Variants in OAS2 observed in about 807,000 individuals in gnomAD.
OAS2 encodes the protein 2'-5'-oligoadenylate synthetase 2, also known as 2'-5'-oligoadenylate synthase 2.
In OAS2, 67 loss-of-function variants were observed where a neutral mutation model predicts 71.3. The observed-to-expected ratio is 0.94, with a 90% CI of 0.77 to 1.15. The LOEUF (loss-of-function observed/expected upper bound fraction) is 1.15. OAS2 is among the 50% of genes most tolerant of loss of function. OAS2 has a pLI of 0.00. For synonymous variants in OAS2, 327 were observed against 321.8 expected, an observed-to-expected ratio of 1.02 and a Z score of -0.17; for missense variants, 789 against 822.5, an observed-to-expected ratio of 0.96 and a Z score of 0.50.
intron 2 of OAS2, chr12:112,988,560 A>G: frequency 1.1e-6 from 1 of 946,428 alleles, no homozygotes; most frequent in Non-Finnish European, 1.3e-6. Flanking sequence ...TTCACCATGT[A>G]CAGAGAAATT....
At chr12:113,002,231 A>T (rs1411124827) in intron 5 of OAS2, among the ~76,000 whole-genome samples, 1 of 152,184 alleles carries the variant, frequency 6.6e-6, no homozygotes, top group East Asian at 1.9e-4. Flanking sequence ...TAAAAATTAA[A>T]ATTAAGAGGA....
At chr12:112,992,691 A>T (rs570103786) in intron 2 of OAS2, among the ~76,000 whole-genome samples, 3 of 152,276 alleles carry the variant, frequency 2.0e-5, no homozygotes, top group African/African-American at 7.2e-5. Flanking sequence ...GGAAACATGT[A>T]CCAGTTTGGG....
At position 112,978,711 on chromosome 12, in the gene OAS2, G is replaced by A. The variant is rs774565552; in HGVS notation, c.103G>A (p.Asp35Asn). Residue 35 changes from aspartate (D) to asparagine (N), a missense_variant, in exon 1 of 10, where the codon GAC (aspartate) becomes AAC (asparagine). Asp to Asn is a conservative substitution (Grantham distance 23). Coordinates refer to ENST00000392583, the MANE Select transcript of OAS2 (RefSeq NM_002535.3). This position sits in a 1 kb window ranked among gnomAD's most constrained non-coding sequence, Gnocchi z 4.2. ...KPYEECQTLIDEMVNTICDVL... is the reference protein window; with the variant it reads ...KPYEECQTLINEMVNTICDVL... ...CTACGAAGAATGTCAGACACTGATCGACGAGATGGTGAACACCATCTGTGA... is the reference window on the plus strand; with the variant it reads ...CTACGAAGAATGTCAGACACTGATCAACGAGATGGTGAACACCATCTGTGA... 3 of 1,614,170 alleles carry A rather than the reference G, an allele frequency of 1.9e-6. No individual in the cohort carries two copies. The highest frequency in any genetic ancestry group is 2.5e-6 in the Non-Finnish European group (3 of 1,180,022).
intron 2 of OAS2, among the ~76,000 whole-genome samples, chr12:112,993,206 G>A (rs1173752719): frequency 1.3e-5 from 2 of 152,138 alleles, no homozygotes; most frequent in Admixed American, 6.5e-5. Flanking sequence ...GGTCCAGGCT[G>A]GCTGTCTCCA....
intron 9 of OAS2, 53 bp downstream of exon 9, chr12:113,007,996 T>A: frequency 7.7e-7 from 1 of 1,303,136 alleles, no homozygotes; most frequent in African/African-American, 1.5e-5. Context: ...TTGAACACTG[T>A]CTCAGCAACC....
chr12:113,009,836 C>T lies in OAS2; in HGVS notation c.*581C>T. 1 of 986,672 alleles carries T rather than the reference C, an allele frequency of 1.0e-6. No individual in the cohort carries two copies. 61.1% of individuals were successfully genotyped at this position (986,672 alleles called of 1,614,324 possible). A position where few individuals can be genotyped will look rare whatever the true frequency, so the allele number is the denominator to read the frequency against. ...GGTTGCACTGGCCACCCAAGGATGTCTGCCACACCTCTCCAAAGCCCTCCC... is the reference window on the plus strand; with the variant it reads ...GGTTGCACTGGCCACCCAAGGATGTTTGCCACACCTCTCCAAAGCCCTCCC... On this transcript the variant is annotated 3_prime_UTR_variant, in exon 10 of 10. Coordinates refer to ENST00000392583, the MANE Select transcript of OAS2 (RefSeq NM_002535.3).
Position 112,987,294 on chromosome 12 carries a change from C to T in OAS2, c.434C>T (p.Ala145Val). The change falls in exon 2 of 10, where the codon GCC becomes GTC. Residue 145 changes from alanine to valine, a missense_variant. Transcript: ENST00000392583. ...NQRISFEVLA[A>V]FNALSLNDNP... ...AGAATCTCTTTCGAGGTGCTGGCCG[C>T]CTTCAACGCTCTGAGTAAGCATTGC... The T allele has an allele frequency of 6.2e-7, 1 of 1,614,182 alleles. No homozygotes were observed. Among genetic ancestry groups the T allele is most frequent in the Middle Eastern group, 1.6e-4 (1 of 6,062 alleles).
chr12:113,000,856 T>C (rs771741223), intron 5 of OAS2, among the ~76,000 whole-genome samples: 13 of 152,256 alleles, frequency 8.5e-5, no homozygotes, highest in Non-Finnish European at 1.5e-4. Context: ...TCAGCAACTA[T>C]AAGGCCAACT....
chr12:112,984,324 C>A lies in OAS2; in HGVS notation c.178-2714C>A, dbSNP rs182536219. 1.2e-3 allele frequency among the ~76,000 whole-genome samples: 187 copies of A among 152,114 alleles called. 1 individual carries two copies. The highest frequency in any genetic ancestry group is 4.6e-3 in the Admixed American group (71 of 15,274). Reference sequence around the variant, plus strand: ...TCTTGATCATTAATTATAAAATGACCTTCTTTGTCTCTTTTTATGTTTTTG... The same window carrying A: ...TCTTGATCATTAATTATAAAATGACATTCTTTGTCTCTTTTTATGTTTTTG... On this transcript the variant is annotated intron_variant, in intron 1 of 9. Transcript: ENST00000392583.
Position 113,003,039 on chromosome 12 carries a change from C to T in OAS2, c.1116C>T (p.Ile372=). 2 of 1,614,200 alleles carry T rather than the reference C, an allele frequency of 1.2e-6. No individual in the cohort carries two copies. The highest frequency in any genetic ancestry group is 1.7e-6 in the Non-Finnish European group (2 of 1,180,006). ...AGCAGATTGACAGTGCTGTTAACAT[C>T]ATCCGTACATTCCTTAAAGAAAACT... ...FLEQIDSAVN[I]IRTFLKENCF... is the part of the protein sequence containing the mutation. The change falls in exon 6 of 10, where the codon ATC becomes ATT. Residue 372 remains isoleucine, a synonymous_variant. Transcript: ENST00000392583.
rs778650316 is a variant in OAS2 at position 112,978,738 on chromosome 12, G to T, written c.130G>T (p.Val44Phe). The T allele has an allele frequency of 3.7e-6, 6 of 1,614,106 alleles. No homozygotes were observed. The South Asian group carries it at 6.6e-5, about 18-fold the overall frequency. The change falls in exon 1 of 10, where the codon GTC becomes TTC. Residue 44 changes from valine (V) to phenylalanine (F), a missense_variant. Physicochemically the swap from Val to Phe is conservative, Grantham distance 50 (BLOSUM62 -1). Transcript: ENST00000392583. The surrounding 1 kb of genome is among the most constrained non-coding windows in gnomAD (Gnocchi z 4.2). ...CGAGATGGTGAACACCATCTGTGACGTCCTGCAGGAACCCGAACAGTTCCC... is the reference window on the plus strand; with the variant it reads ...CGAGATGGTGAACACCATCTGTGACTTCCTGCAGGAACCCGAACAGTTCCC... ...IDEMVNTICD[V>F]LQEPEQFPLV...
chr12:112,996,434 T>C (rs1040523892), intron 3 of OAS2, among the ~76,000 whole-genome samples: 6 of 152,080 alleles, frequency 3.9e-5, no homozygotes, highest in African/African-American at 1.4e-4. Flanking sequence ...CCATAGCAAA[T>C]CTTGCCGAAT....
Position 113,010,957 on chromosome 12 carries a change from C to T in OAS2, c.*1702C>T, listed in dbSNP as rs2044375357. 6.5e-6 allele frequency: 1 copy of T among 152,816 alleles called. No individual in the cohort carries two copies. Among genetic ancestry groups the T allele is most frequent in the African/African-American group, 2.4e-5 (1 of 41,454 alleles). 9.5% of individuals were successfully genotyped at this position (152,816 alleles called of 1,614,324 possible). On this transcript the variant is annotated 3_prime_UTR_variant, in exon 10 of 10. Transcript: ENST00000392583. ...CCTCTATGCCAGCAGCCAGCCAACC[C>T]TTTCATTAGAACTTCAAGCTCTCCA... is the stretch of plus-strand genomic sequence containing the variant.
intron 9 of OAS2, 26 bp from the exon 10 acceptor site, chr12:113,009,061 C>G: frequency 6.2e-7 from 1 of 1,605,648 alleles, no homozygotes; most frequent in Non-Finnish European, 8.5e-7. Flanking sequence ...TTGGAATCTC[C>G]TAATGCCTTC....
At position 112,987,212 on chromosome 12, in the gene OAS2, T is replaced by G. The variant is rs1593196455; in HGVS notation, c.352T>G (p.Phe118Val). The G allele has an allele frequency of 6.2e-7, 1 of 1,614,032 alleles. No individual in the cohort carries two copies. The highest frequency in any genetic ancestry group is 2.2e-5 in the East Asian group (1 of 44,886). Residue 118 changes from phenylalanine to valine, a missense_variant, in exon 2 of 10, where the codon TTC (phenylalanine) becomes GTC (valine). Phe to Val is a conservative substitution (Grantham distance 50). Coordinates refer to ENST00000392583, the MANE Select transcript of OAS2 (RefSeq NM_002535.3). ...CLFTKWLKNNFEIQKSLDGFT... is the reference protein window; with the variant it reads ...CLFTKWLKNNVEIQKSLDGFT... Reference sequence around the variant, plus strand: ...GTTCACGAAGTGGTTGAAAAACAATTTCGAGATCCAGAAGTCCCTTGATGG... The same window carrying G: ...GTTCACGAAGTGGTTGAAAAACAATGTCGAGATCCAGAAGTCCCTTGATGG...
At chr12:112,986,968 C>A in intron 1 of OAS2, 70 bp from the exon 2 acceptor site, 1 of 1,527,860 alleles carries the variant, frequency 6.5e-7, no homozygotes, top group Non-Finnish European at 8.8e-7. Flanking sequence ...TTGAGAAATA[C>A]CACTGCCTGC....
chr12:113,001,912 G>A (rs1305796764), intron 5 of OAS2, among the ~76,000 whole-genome samples: 1 of 147,616 alleles, frequency 6.8e-6, no homozygotes, highest in African/African-American at 2.5e-5. Flanking sequence ...GCACAAACCT[G>A]TAGTCCCAGC....
chr12:112,979,230 A>C (rs2044056981), intron 1 of OAS2, among the ~76,000 whole-genome samples: 1 of 152,122 alleles, frequency 6.6e-6, no homozygotes, highest in African/African-American at 2.4e-5. Context: ...AGTGGCTTTT[A>C]TCAGTTAGAA....
At chr12:113,006,750 TA>T in intron 8 of OAS2, 150 bp downstream of exon 8, 3 of 605,504 alleles carry the variant, frequency 5.0e-6, no homozygotes. Context: ...TTCCCATCAC[TA>T]ACCCTATTCA....
Sources: gnomAD v4.1 joint callset for allele counts (sites outside exome capture counted in the v4.1 genomes callset) on GRCh38, gnomAD v4.1.1 for gene constraint, Gnocchi (gnomAD v3.1) non-coding constraint, MANE v1.5 for transcripts, NCBI Gene and HGNC (gene_info 2026-07-23, HGNC 2026-07-21) for gene names.